The following SAMMSON variants were observed in gnomAD, a reference collection of about 807,000 sequenced individuals.
SAMMSON encodes the protein long intergenic non-protein coding RNA 1212.
intron 4 of SAMMSON, among the ~76,000 whole-genome samples, chr3:70,200,259 C>G (rs1467740366): frequency 6.6e-6 from 1 of 152,172 alleles, no homozygotes; most frequent in Non-Finnish European, 1.5e-5. Context: ...TTCATCAGCT[C>G]CTTCAGTATT....
At chr3:70,281,093 T>C (rs1702078337) in intron 6 of SAMMSON, among the ~76,000 whole-genome samples, 1 of 152,222 alleles carries the variant, frequency 6.6e-6, no homozygotes, top group African/African-American at 2.4e-5. Flanking sequence ...CCTTTTCTCC[T>C]GTTAATCAGC....
In SAMMSON at chr3:70,375,406, T is replaced by G. The variant is rs1019106469; in HGVS notation, n.914-14168T>G. The stretch of plus-strand genomic sequence containing the variant: ...TCTGTTGAACAGTTTTTTGTTGTTT[T>G]TTTTTTTTTTGCCACAAGTGTTGGT... On this transcript the variant is annotated intron_variant and non_coding_transcript_variant, in intron 9 of 9. Coordinates refer to ENST00000642114, the Ensembl canonical transcript of SAMMSON. Among the ~76,000 whole-genome samples the G allele has an allele frequency of 3.0e-4, 46 of 151,474 alleles. 1 individual carries two copies. The highest frequency in any genetic ancestry group is 9.9e-4 in the African/African-American group (41 of 41,406).
chr3:70,230,711 G>A (rs921677031), intron 4 of SAMMSON, among the ~76,000 whole-genome samples: 2 of 152,212 alleles, frequency 1.3e-5, no homozygotes, highest in Admixed American at 6.5e-5. Context: ...TCCTCTGTAA[G>A]TGGTGGTTTG....
At chr3:70,250,375 T>C (rs529586733) in intron 6 of SAMMSON, among the ~76,000 whole-genome samples, 1 of 151,872 alleles carries the variant, frequency 6.6e-6, no homozygotes, top group East Asian at 1.9e-4. Flanking sequence ...TTTTTATTGT[T>C]ATTGACAATA....
intron 4 of SAMMSON, chr3:70,183,639 G>A (rs1234284798): frequency 2.0e-5 from 3 of 152,186 alleles, no homozygotes; most frequent in Non-Finnish European, 4.4e-5. Flanking sequence ...AACAAATACA[G>A]TGTCCCCTGG....
intron 4 of SAMMSON, among the ~76,000 whole-genome samples, chr3:70,228,648 G>A (rs114232292): frequency 0.027 from 3,886 of 145,888 alleles, 76 homozygotes; most frequent in Middle Eastern, 0.047. Flanking sequence ...TTTTTTTTTA[G>A]TGTGGGGCTA....
At chr3:70,151,030 A>G (rs1382160801) in intron 4 of SAMMSON, among the ~76,000 whole-genome samples, 3 of 152,164 alleles carry the variant, frequency 2.0e-5, no homozygotes, top group Middle Eastern at 3.4e-3. Context: ...GTTTTAAAAT[A>G]TGTATTGTTT....
At chr3:70,392,850 A>G (rs373438475), downstream of SAMMSON, among the ~76,000 whole-genome samples, 1 of 152,132 alleles carries the variant, frequency 6.6e-6, no homozygotes, top group Non-Finnish European at 1.5e-5. Flanking sequence ...TTGCCATACC[A>G]GGCAGATTAA....
chr3:70,331,394 T>C (rs1488783186), intron 7 of SAMMSON, among the ~76,000 whole-genome samples: 3 of 152,196 alleles, frequency 2.0e-5, no homozygotes, highest in African/African-American at 2.4e-5. Flanking sequence ...GTGTGTTTTC[T>C]GTTTCTCTCT....
intron 7 of SAMMSON, among the ~76,000 whole-genome samples, chr3:70,348,874 C>T (rs1702771692): frequency 6.6e-6 from 1 of 152,076 alleles, no homozygotes; most frequent in African/African-American, 2.4e-5. Flanking sequence ...TCACTTTCAA[C>T]ACTAGATCTT....
At chr3:70,133,787 A>G (rs957622155) in intron 4 of SAMMSON, among the ~76,000 whole-genome samples, 4 of 152,130 alleles carry the variant, frequency 2.6e-5, no homozygotes, top group African/African-American at 9.7e-5. Flanking sequence ...GAGAGGTAAA[A>G]CAGTTGTTTT....
chr3:70,241,692 T>A (rs912270516), intron 4 of SAMMSON, among the ~76,000 whole-genome samples: 1 of 152,306 alleles, frequency 6.6e-6, no homozygotes, highest in African/African-American at 2.4e-5. Context: ...GAGTGTTCAA[T>A]CATGTCCTGC....
chr3:70,391,844 T>G (rs1701051564), downstream of SAMMSON, among the ~76,000 whole-genome samples: 1 of 152,134 alleles, frequency 6.6e-6, no homozygotes. Context: ...ATATCTATAG[T>G]AGGAATTTGA....
At chr3:70,327,762 C>T (rs1020293024) in intron 7 of SAMMSON, among the ~76,000 whole-genome samples, 1 of 152,086 alleles carries the variant, frequency 6.6e-6, no homozygotes, top group East Asian at 1.9e-4. Flanking sequence ...GAAAATTCAC[C>T]TTTGAATCAG....
At chr3:70,158,122 T>C (rs1482451667) in intron 4 of SAMMSON, among the ~76,000 whole-genome samples, 1 of 152,108 alleles carries the variant, frequency 6.6e-6, no homozygotes, top group Non-Finnish European at 1.5e-5. Flanking sequence ...ATTTACCAAG[T>C]TGTGCAACCA....
intron 7 of SAMMSON, among the ~76,000 whole-genome samples, chr3:70,342,443 G>C (rs1317986144): frequency 6.6e-6 from 1 of 152,148 alleles, no homozygotes; most frequent in Non-Finnish European, 1.5e-5. Flanking sequence ...TGACAACTTT[G>C]AGTTGAGACA....
chr3:70,061,585 C>T (rs2067190695), intron 3 of SAMMSON, among the ~76,000 whole-genome samples: 1 of 152,068 alleles, frequency 6.6e-6, no homozygotes, highest in Admixed American at 6.6e-5. Flanking sequence ...ATGATGTCTC[C>T]AGTTTGCCTC....
At chr3:70,333,576 T>A (rs1702640745) in intron 7 of SAMMSON, among the ~76,000 whole-genome samples, 1 of 152,200 alleles carries the variant, frequency 6.6e-6, no homozygotes, top group Non-Finnish European at 1.5e-5. Flanking sequence ...GGTTGAAAGA[T>A]GAAAACCATC....
chr3:70,148,675 C>T (rs997186024), intron 4 of SAMMSON, among the ~76,000 whole-genome samples: 1 of 151,952 alleles, frequency 6.6e-6, no homozygotes, highest in African/African-American at 2.4e-5. Context: ...TAGGTACTAA[C>T]CTCTTCTTAA....
Sources: gnomAD v4.1 joint callset for allele counts (sites outside exome capture counted in the v4.1 genomes callset) on GRCh38, gnomAD v4.1.1 for gene constraint, MANE v1.5 for transcripts, NCBI Gene and HGNC (gene_info 2026-07-23, HGNC 2026-07-21) for gene names.